COPS2: variants seen among roughly 807,000 people sequenced by gnomAD.
The protein encoded by COPS2 is COP9 signalosome complex subunit 2.
A neutral mutation model predicts 66.1 loss-of-function variants in COPS2; 10 were observed. The observed-to-expected ratio is 0.15, with a 90% CI of 0.09 to 0.26. The LOEUF (loss-of-function observed/expected upper bound fraction) is 0.26, where lower values mean the gene tolerates loss of function less well. COPS2 is among the 10% of genes least tolerant of loss of function. The pLI is 1.00. For synonymous variants in COPS2, 179 were observed against 171.3 expected, an observed-to-expected ratio of 1.04 and a Z score of -0.35; for missense variants, 215 against 513.3, an observed-to-expected ratio of 0.42 and a Z score of 5.62.
intron 1 of COPS2, among the ~76,000 whole-genome samples, chr15:49,148,194 A>C (rs2084334582): frequency 1.3e-5 from 2 of 152,214 alleles, no homozygotes; most frequent in Non-Finnish European, 2.9e-5. Flanking sequence ...GATCTTTAAT[A>C]TATGCCAGCA....
rs1436080797 is a variant in COPS2, at chr15:49,145,991, G to T, written c.55-913C>A. The stretch of plus-strand genomic sequence containing the variant: ...TAGTACCTGGAAACAAACACAAAAA[G>T]ACAAGAATAGTTTTATAGTTATTTC... On this transcript the variant is annotated intron_variant, in intron 1 of 12. Coordinates refer to ENST00000388901, the MANE Select transcript of COPS2 (RefSeq NM_004236.4). Among the ~76,000 whole-genome samples the T allele has an allele frequency of 2.0e-5, 3 of 152,134 alleles. No homozygotes were observed. The East Asian group carries it at 5.8e-4, about 29-fold the overall frequency.
In COPS2 at chr15:49,125,922, G is replaced by C. The variant is rs1472248804; in HGVS notation, c.*2028C>G. 6.6e-6 allele frequency: 1 copy of C among 152,050 alleles called. No individual in the cohort carries two copies. The highest frequency in any genetic ancestry group is 1.5e-5 in the Non-Finnish European group (1 of 67,922). 9.4% of individuals were successfully genotyped at this position (152,050 alleles called of 1,614,324 possible). On this transcript the variant is annotated 3_prime_UTR_variant, in exon 13 of 13. Coordinates refer to ENST00000388901, the MANE Select transcript of COPS2 (RefSeq NM_004236.4). ...GAACTGGGCACTGTAAGAATTGGAG[G>C]ATAAAGGTTAAATCATTTCATTCAA... is the stretch of plus-strand genomic sequence containing the variant.
At chr15:49,145,139 G>T in intron 1 of COPS2, 61 bp from the exon 2 acceptor site, 2 of 851,424 alleles carry the variant, frequency 2.3e-6, no homozygotes, top group Non-Finnish European at 1.8e-6. Flanking sequence ...ACGTAGCAAC[G>T]TAAAAAGTGA....
intron 3 of COPS2, among the ~76,000 whole-genome samples, chr15:49,140,185 G>C (rs1230885671): frequency 6.6e-6 from 1 of 151,658 alleles, no homozygotes; most frequent in African/African-American, 2.4e-5. Context: ...AGTAGGGACA[G>C]GGTTTCTCCA....
At chr15:49,130,678 G>T in intron 10 of COPS2, 41 bp downstream of exon 10, 2 of 1,206,742 alleles carry the variant, frequency 1.7e-6, no homozygotes, top group Non-Finnish European at 2.4e-6. Flanking sequence ...TTTGACAGTG[G>T]CAAAGAAAGT....
chr15:49,134,253 T>G, intron 7 of COPS2, 87 bp downstream of exon 7: 1 of 1,438,874 alleles, frequency 6.9e-7, no homozygotes, highest in African/African-American at 1.4e-5. Flanking sequence ...CCCCAAGGTA[T>G]ACACTGAAGT....
chr15:49,140,580 A>G (rs965461560), intron 3 of COPS2, among the ~76,000 whole-genome samples: 1 of 152,156 alleles, frequency 6.6e-6, no homozygotes, highest in African/African-American at 2.4e-5. Flanking sequence ...TTGTTCCAGG[A>G]AACAAGAAAG....
intron 3 of COPS2, among the ~76,000 whole-genome samples, chr15:49,142,471 T>G (rs758277037): frequency 6.6e-6 from 1 of 152,140 alleles, no homozygotes; most frequent in Non-Finnish European, 1.5e-5. Context: ...TCAGACGGGA[T>G]AGAGAAGCTA....
rs2084172039 is a variant in COPS2, at chr15:49,127,039, G to C, written c.*911C>G. The C allele has an allele frequency of 6.6e-6, 1 of 151,914 alleles. No individual in the cohort carries two copies. The highest frequency in any genetic ancestry group is 2.4e-5 in the African/African-American group (1 of 41,378). 9.4% of individuals were successfully genotyped at this position (151,914 alleles called of 1,614,324 possible). ...CATTCATTTAGCTGTCTATGTTCTG[G>C]CATATTCGTTTAAAGTGAACATTCT... On this transcript the variant is annotated 3_prime_UTR_variant, in exon 13 of 13. Coordinates refer to ENST00000388901, the MANE Select transcript of COPS2 (RefSeq NM_004236.4).
intron 3 of COPS2, among the ~76,000 whole-genome samples, 166 bp from the exon 4 acceptor site, chr15:49,139,819 C>T (rs489813): frequency 0.59 from 89,427 of 151,996 alleles, 26,458 homozygotes; most frequent in Middle Eastern, 0.67. Context: ...ATTGTAATTA[C>T]CTTAAATTTG....
intron 1 of COPS2, among the ~76,000 whole-genome samples, chr15:49,150,093 G>A (rs912102552): frequency 6.6e-6 from 1 of 151,656 alleles, no homozygotes; most frequent in Non-Finnish European, 1.5e-5. Context: ...TTCGAGACCA[G>A]CCTGACCAAC....
intron 9 of COPS2, among the ~76,000 whole-genome samples, chr15:49,132,640 T>C (rs961580636): frequency 1.3e-4 from 19 of 144,534 alleles, no homozygotes; most frequent in African/African-American, 4.8e-4. Flanking sequence ...GTGGTAAAAC[T>C]CAGCTGTACA....
intron 9 of COPS2, among the ~76,000 whole-genome samples, chr15:49,133,145 C>T (rs1399266744): frequency 2.6e-5 from 4 of 152,066 alleles, no homozygotes; most frequent in Middle Eastern, 3.2e-3. Context: ...CCTGCCACCA[C>T]GCCCGGCTAA....
chr15:49,134,919 T>G (rs545527719), intron 6 of COPS2, among the ~76,000 whole-genome samples: 4 of 152,266 alleles, frequency 2.6e-5, no homozygotes, highest in African/African-American at 9.6e-5. Context: ...AATCATTTTT[T>G]CCCCTCATCA....
intron 1 of COPS2, among the ~76,000 whole-genome samples, chr15:49,150,355 G>A (rs541617144): frequency 1.9e-4 from 29 of 151,820 alleles, no homozygotes; most frequent in Non-Finnish European, 3.8e-4. Context: ...ACAAAATTGG[G>A]ATAATATGGA....
intron 1 of COPS2, among the ~76,000 whole-genome samples, chr15:49,150,259 AAAAT>A (rs2084349806): frequency 2.7e-5 from 4 of 149,088 alleles, no homozygotes; most frequent in Admixed American, 1.3e-4. Context: ...AAAAAAAAAA[AAAAT>A]AAATAAAAAT....
chr15:49,148,155 T>C (rs1335357130), intron 1 of COPS2, among the ~76,000 whole-genome samples: 1 of 152,174 alleles, frequency 6.6e-6, no homozygotes, highest in Non-Finnish European at 1.5e-5. Flanking sequence ...ATTGTTTAGG[T>C]GCTTCTACTA....
In COPS2 at chr15:49,130,804, A is replaced by G; in HGVS notation, c.960T>C (p.Asn320=). The change falls in exon 10 of 13, where the codon AAT becomes AAC. Residue 320 remains asparagine, a synonymous_variant. Transcript: ENST00000388901. Reference sequence around the variant, plus strand: ...TCTTTTCAAATTCAGTGATGTCATTATTCTGATAGGCACTAATAGAAAAAC... The same window carrying G: ...TCTTTTCAAATTCAGTGATGTCATTGTTCTGATAGGCACTAATAGAAAAAC... ...AMTNLVSAYQ[N]NDITEFEKIL... is the part of the protein sequence containing the mutation. The G allele has an allele frequency of 6.4e-7, 1 of 1,566,186 alleles. No individual in the cohort carries two copies. Among genetic ancestry groups the G allele is most frequent in the Non-Finnish European group, 8.8e-7 (1 of 1,137,996 alleles).
intron 4 of COPS2, among the ~76,000 whole-genome samples, chr15:49,138,091 G>A (rs1379427584): frequency 6.6e-6 from 1 of 152,204 alleles, no homozygotes; most frequent in Non-Finnish European, 1.5e-5. Context: ...AACCATGGAG[G>A]TGGGTGGAGA....
Sources: allele counts gnomAD v4.1 joint callset (sites outside exome capture counted in the v4.1 genomes callset), GRCh38; gene constraint gnomAD v4.1.1; transcripts MANE v1.5; gene names NCBI Gene and HGNC (gene_info 2026-07-23, HGNC 2026-07-21).